SLC44A5: variants seen among roughly 807,000 people sequenced by gnomAD.
SLC44A5 encodes solute carrier family 44 member 5, also known as choline transporter-like protein 5.
Under a neutral mutation model 101.8 loss-of-function variants are expected in SLC44A5, and 57 were observed. The ratio of observed to expected loss-of-function variants is 0.56; its 90% confidence interval spans 0.45 to 0.70. The LOEUF (loss-of-function observed/expected upper bound fraction) is 0.70. Among genes scored for constraint, SLC44A5 ranks in the 30% least tolerant of loss-of-function variants. The pLI, the probability that SLC44A5 is intolerant of heterozygous loss-of-function variation, is 0.00. For synonymous variants in SLC44A5, 281 were observed against 290.9 expected, an observed-to-expected ratio of 0.97 and a Z score of 0.35; for missense variants, 737 against 853.1, an observed-to-expected ratio of 0.86 and a Z score of 1.70.
the SLC44A5 span, among the ~76,000 whole-genome samples, chr1:75,639,337 A>T: frequency 6.6e-6 from 1 of 152,214 alleles, no homozygotes. Context: ...AATTTAAAAC[A>T]AAACAAAACA....
chr1:75,429,635 G>C (rs1225174389), intron 2 of SLC44A5, among the ~76,000 whole-genome samples: 1 of 152,216 alleles, frequency 6.6e-6, no homozygotes, highest in African/African-American at 2.4e-5. Context: ...GCCAGCATCT[G>C]CTTCTGGTGA....
intron 1 of SLC44A5, among the ~76,000 whole-genome samples, chr1:75,551,394 T>C (rs915378224): frequency 6.6e-6 from 1 of 152,142 alleles, no homozygotes; most frequent in African/African-American, 2.4e-5. Flanking sequence ...TTTAAAAGCA[T>C]CCAACTCACT....
At chr1:75,483,546 G>C (rs1667988440) in intron 2 of SLC44A5, among the ~76,000 whole-genome samples, 1 of 152,152 alleles carries the variant, frequency 6.6e-6, no homozygotes, top group South Asian at 2.1e-4. Flanking sequence ...GAAACATTTA[G>C]AGAAGTAGAT....
the SLC44A5 span, among the ~76,000 whole-genome samples, chr1:75,619,085 G>GA: frequency 2.4e-5 from 2 of 82,846 alleles, no homozygotes; most frequent in East Asian, 5.6e-4. Flanking sequence ...AAAAAGGGGG[G>GA]GGGGAAGGAA....
intron 2 of SLC44A5, among the ~76,000 whole-genome samples, chr1:75,448,940 C>T (rs1570311774): frequency 6.6e-6 from 1 of 152,274 alleles, no homozygotes; most frequent in East Asian, 1.9e-4. Flanking sequence ...TCCACTCCCA[C>T]TCAGTACTGC....
chr1:75,224,010 C>G (rs750165232), intron 13 of SLC44A5, among the ~76,000 whole-genome samples: 8 of 152,148 alleles, frequency 5.3e-5, no homozygotes, highest in Non-Finnish European at 1.0e-4. Flanking sequence ...TATAAAATTG[C>G]ACCCTCAAAA....
chr1:75,328,936 T>C (rs1025437781), intron 4 of SLC44A5, among the ~76,000 whole-genome samples: 2 of 152,176 alleles, frequency 1.3e-5, no homozygotes, highest in African/African-American at 4.8e-5. Flanking sequence ...GACAGCCTCC[T>C]GTCTCCAGAC....
intron 4 of SLC44A5, among the ~76,000 whole-genome samples, chr1:75,335,717 CTA>C (rs1359705029): frequency 1.3e-5 from 2 of 152,220 alleles, no homozygotes; most frequent in African/African-American, 4.8e-5. Context: ...ATTATGGTGA[CTA>C]TCTACATCTG....
chr1:75,372,055 G>T (rs1385875418), intron 3 of SLC44A5, among the ~76,000 whole-genome samples: 1 of 152,012 alleles, frequency 6.6e-6, no homozygotes, highest in Non-Finnish European at 1.5e-5. Context: ...ACATTAGCCG[G>T]GCATGTTGGC....
chr1:75,242,651 A>G (rs1483537512), intron 8 of SLC44A5, among the ~76,000 whole-genome samples: 1 of 152,128 alleles, frequency 6.6e-6, no homozygotes, highest in Non-Finnish European at 1.5e-5. Context: ...GGGGAATAGT[A>G]GAAGCTAATT....
intron 2 of SLC44A5, among the ~76,000 whole-genome samples, chr1:75,537,715 T>G (rs1671133674): frequency 6.6e-6 from 1 of 152,206 alleles, no homozygotes; most frequent in African/African-American, 2.4e-5. Context: ...GGGAAGAAAT[T>G]GTTTCAGAAT....
At chr1:75,696,346 A>G in the SLC44A5 span, among the ~76,000 whole-genome samples, 1 of 152,248 alleles carries the variant, frequency 6.6e-6, no homozygotes, top group Non-Finnish European at 1.5e-5. Flanking sequence ...GTACAATTTT[A>G]TCATATGTTC....
At chr1:75,296,276 C>T (rs887003327) in intron 5 of SLC44A5, among the ~76,000 whole-genome samples, 3 of 152,066 alleles carry the variant, frequency 2.0e-5, no homozygotes, top group Admixed American at 2.0e-4. Flanking sequence ...GAAAGGATTG[C>T]AGATCCTACT....
intron 4 of SLC44A5, among the ~76,000 whole-genome samples, chr1:75,312,766 G>T (rs376310221): frequency 1.2e-4 from 18 of 152,028 alleles, no homozygotes; most frequent in South Asian, 4.1e-4. Flanking sequence ...TTAAGTGACT[G>T]AATAGCCCTC....
chr1:75,385,835 C>T (rs1373278540), intron 3 of SLC44A5, among the ~76,000 whole-genome samples: 1 of 151,906 alleles, frequency 6.6e-6, no homozygotes, highest in Non-Finnish European at 1.5e-5. Context: ...ACGAATCCAG[C>T]AGCACATCCA....
At chr1:75,345,417 A>G (rs1237409893) in intron 3 of SLC44A5, among the ~76,000 whole-genome samples, 1 of 152,084 alleles carries the variant, frequency 6.6e-6, no homozygotes, top group Non-Finnish European at 1.5e-5. Flanking sequence ...TAGATAATGG[A>G]GGGAAAAAAA....
At chr1:75,333,115 G>A (rs1048365131) in intron 4 of SLC44A5, among the ~76,000 whole-genome samples, 1 of 152,060 alleles carries the variant, frequency 6.6e-6, no homozygotes, top group Non-Finnish European at 1.5e-5. Context: ...TCTGCAAGAG[G>A]TTACAAACCA....
intron 1 of SLC44A5, among the ~76,000 whole-genome samples, chr1:75,557,932 T>C: frequency 6.6e-6 from 1 of 152,144 alleles, no homozygotes; most frequent in African/African-American, 2.4e-5. Flanking sequence ...TTATTAAAGA[T>C]TGATTATATA....
At chr1:75,651,979 T>C in the SLC44A5 span, among the ~76,000 whole-genome samples, 1 of 152,074 alleles carries the variant, frequency 6.6e-6, no homozygotes, top group African/African-American at 2.4e-5. Context: ...CTGAAACAAG[T>C]GATCAGCTTC....
Sources: allele counts gnomAD v4.1 joint callset (sites outside exome capture counted in the v4.1 genomes callset), GRCh38; gene constraint gnomAD v4.1.1; transcripts MANE v1.5; gene names NCBI Gene and HGNC (gene_info 2026-07-23, HGNC 2026-07-21).